RAB3GAP2: variants seen among roughly 807,000 people sequenced by gnomAD.
The protein encoded by RAB3GAP2 is rab3 GTPase-activating protein non-catalytic subunit.
RAB3GAP2 carries 87 observed loss-of-function variants against 185.3 expected under a neutral mutation model. The observed-to-expected ratio is 0.47, with a 90% CI of 0.39 to 0.56. RAB3GAP2 has a LOEUF of 0.56. Among genes scored for constraint, RAB3GAP2 ranks in the 20% least tolerant of loss-of-function variants. The pLI, the probability that RAB3GAP2 is intolerant of heterozygous loss-of-function variation, is 0.00. For synonymous variants in RAB3GAP2, 554 were observed against 576.1 expected, an observed-to-expected ratio of 0.96 and a Z score of 0.55; for missense variants, 1,492 against 1,638.2, an observed-to-expected ratio of 0.91 and a Z score of 1.54.
chr1:220,244,939 G>C (rs900491705), intron 1 of RAB3GAP2, among the ~76,000 whole-genome samples: 1 of 152,036 alleles, frequency 6.6e-6, no homozygotes, highest in Non-Finnish European at 1.5e-5. Flanking sequence ...GACCCCAAAA[G>C]CAAGTGCAGC....
At position 220,167,368 on chromosome 1, in the gene RAB3GAP2, A is replaced by G. The variant is rs1162199490; in HGVS notation, c.3012T>C (p.Pro1004=). The change falls in exon 26 of 35, where the codon CCT becomes CCC. Residue 1004 remains proline, a synonymous_variant. Coordinates refer to ENST00000358951, the MANE Select transcript of RAB3GAP2 (RefSeq NM_012414.4). ...GCAAGACATCGAGCTCAAGGCTACA[A>G]GGAAACTGCTCATAGGCTAAATGCA... The part of the protein sequence containing the change: ...DLLHLAYEQF[P]CSLELDVLHA... 2 of 1,614,062 alleles carry G rather than the reference A, an allele frequency of 1.2e-6. No individual in the cohort carries two copies. The highest frequency in any genetic ancestry group is 1.7e-5 in the Admixed American group (1 of 60,002).
At position 220,150,364 on chromosome 1, in the gene RAB3GAP2, G is replaced by T. The variant is rs747924978; in HGVS notation, c.*887C>A. On this transcript the variant is annotated 3_prime_UTR_variant, in exon 35 of 35. Coordinates refer to ENST00000358951, the MANE Select transcript of RAB3GAP2 (RefSeq NM_012414.4). Reference sequence around the variant, plus strand: ...GCAGTTTTTTCAATACTGTTCCCAAGGACAGATAATATTAGCAAATCCCAG... The same window carrying T: ...GCAGTTTTTTCAATACTGTTCCCAATGACAGATAATATTAGCAAATCCCAG... The T allele has an allele frequency of 1.3e-5, 2 of 151,050 alleles. No individual in the cohort carries two copies. Among genetic ancestry groups the T allele is most frequent in the Non-Finnish European group, 2.9e-5 (2 of 67,836 alleles). 9.4% of individuals were successfully genotyped at this position (151,050 alleles called of 1,614,324 possible).
chr1:220,185,579 A>G (rs1186521778), intron 18 of RAB3GAP2, 72 bp downstream of exon 18: 5 of 1,118,974 alleles, frequency 4.5e-6, no homozygotes, highest in South Asian at 1.3e-5. Context: ...CACAAAGTCA[A>G]TAGCTTTCTA....
At chr1:220,254,469 G>C in intron 1 of RAB3GAP2, 1 of 1,613,588 alleles carries the variant, frequency 6.2e-7, no homozygotes. Flanking sequence ...ACCTGGCAAA[G>C]AATTCTGCAA....
intron 34 of RAB3GAP2, 34 bp downstream of exon 34, chr1:220,151,572 G>A (rs561621765): frequency 6.0e-5 from 95 of 1,595,104 alleles, no homozygotes; most frequent in Non-Finnish European, 8.2e-5. Flanking sequence ...AACATCCAAT[G>A]ACCTTTTGCC....
At position 220,202,905 on chromosome 1, in the gene RAB3GAP2, T is replaced by C. The variant is rs143481991; in HGVS notation, c.713-531A>G. Reference sequence around the variant, plus strand: ...TTGCAGTAAGCTGAGATCACGCCACTGCACTCCAGCCCGGGTAAGAGAGGG... The same window carrying C: ...TTGCAGTAAGCTGAGATCACGCCACCGCACTCCAGCCCGGGTAAGAGAGGG... On this transcript the variant is annotated intron_variant, in intron 8 of 34. Coordinates refer to ENST00000358951, the MANE Select transcript of RAB3GAP2 (RefSeq NM_012414.4). Among the ~76,000 whole-genome samples, 174 of 152,262 alleles carry C rather than the reference T, an allele frequency of 1.1e-3. 1 individual carries two copies. The highest frequency in any genetic ancestry group is 2.5e-4 in the Non-Finnish European group (17 of 68,028).
At chr1:220,202,450 A>T in intron 8 of RAB3GAP2, 76 bp from the exon 9 acceptor site, 1 of 1,443,910 alleles carries the variant, frequency 6.9e-7, no homozygotes, top group Non-Finnish European at 9.7e-7. Context: ...TTAAAACCAT[A>T]CTAATTTGTT....
chr1:220,150,768 C>G lies in RAB3GAP2; in HGVS notation c.*483G>C, dbSNP rs2102848225. 1 of 156,798 alleles carries G rather than the reference C, an allele frequency of 6.4e-6. No individual in the cohort carries two copies. Among genetic ancestry groups the G allele is most frequent in the Admixed American group, 6.4e-5 (1 of 15,696 alleles). 9.7% of individuals were successfully genotyped at this position (156,798 alleles called of 1,614,324 possible). ...GGTATCCAGAACTCCCAGGTGGCAG[C>G]CCAGTGTGGGATTTGGAGCATGACA... On this transcript the variant is annotated 3_prime_UTR_variant, in exon 35 of 35. Coordinates refer to ENST00000358951, the MANE Select transcript of RAB3GAP2 (RefSeq NM_012414.4).
intron 1 of RAB3GAP2, chr1:220,267,100 G>A (rs1660241249): frequency 6.7e-7 from 1 of 1,502,074 alleles, no homozygotes; most frequent in South Asian, 1.1e-5. Flanking sequence ...CCCAAAATTT[G>A]CAATTTCAAG....
chr1:220,163,744 C>CATATATATATAT (rs373160821), intron 27 of RAB3GAP2, among the ~76,000 whole-genome samples: 118 of 122,972 alleles, frequency 9.6e-4, no homozygotes, highest in African/African-American at 1.7e-3. Context: ...TAAATACATA[C>CATATATATATAT]ATATATATAT....
intron 24 of RAB3GAP2, 96 bp from the exon 25 acceptor site, chr1:220,167,771 C>G: frequency 1.6e-6 from 2 of 1,275,354 alleles, no homozygotes; most frequent in Non-Finnish European, 2.3e-6. Flanking sequence ...GATCTAAGTG[C>G]CACATTCATT....
At chr1:220,172,601 G>T in intron 22 of RAB3GAP2, 36 bp downstream of exon 22, 1 of 1,423,670 alleles carries the variant, frequency 7.0e-7, no homozygotes, top group Non-Finnish European at 9.9e-7. Context: ...TTTCAAACAC[G>T]AAACTTTGTT....
chr1:220,252,699 C>G (rs1659959656), intron 1 of RAB3GAP2, among the ~76,000 whole-genome samples: 1 of 141,834 alleles, frequency 7.1e-6, no homozygotes. Flanking sequence ...ATAGATCTTT[C>G]CATGGATCAG....
chr1:220,223,239 A>C (rs1222621566), intron 2 of RAB3GAP2, among the ~76,000 whole-genome samples: 2 of 152,118 alleles, frequency 1.3e-5, no homozygotes, highest in Non-Finnish European at 2.9e-5. Context: ...ACTACATACT[A>C]AATCTAGGTG....
intron 1 of RAB3GAP2, among the ~76,000 whole-genome samples, chr1:220,269,565 T>C (rs1350793478): frequency 1.3e-5 from 2 of 152,062 alleles, no homozygotes; most frequent in African/African-American, 4.8e-5. Context: ...CTACTAAAAA[T>C]ACAAACATTA....
chr1:220,183,369 C>A lies in RAB3GAP2; in HGVS notation c.1999-438G>T, dbSNP rs189101676. On this transcript the variant is annotated intron_variant, in intron 19 of 34. Transcript: ENST00000358951. ...GCTCAAGCAATCCTCCTGCCTCAGC[C>A]ACCTGAGTAGCCGGGACCACAAGTG... 3.4e-4 allele frequency among the ~76,000 whole-genome samples: 52 copies of A among 152,026 alleles called. No individual in the cohort carries two copies. In the East Asian group the frequency reaches 0.01, roughly 30 times the overall value.
At position 220,154,682 on chromosome 1, in the gene RAB3GAP2, G is replaced by A. The variant is rs372748989; in HGVS notation, c.3556-625C>T. On this transcript the variant is annotated intron_variant, in intron 31 of 34. Transcript: ENST00000358951. ...GCCAAGTTTTGGGATGATTTACTCC[G>A]CAGTAATAGCTAAGTAATACATATA... 1.5e-4 allele frequency among the ~76,000 whole-genome samples: 23 copies of A among 150,534 alleles called. No homozygotes were observed. The South Asian group carries it at 1.7e-3, about 11-fold the overall frequency.
chr1:220,227,359 AG>A (rs1167681600), intron 2 of RAB3GAP2, among the ~76,000 whole-genome samples: 1 of 152,230 alleles, frequency 6.6e-6, no homozygotes, highest in Non-Finnish European at 1.5e-5. Context: ...AGAAAAAAAG[AG>A]GCTTTCTCCT....
chr1:220,231,957 A>G (rs1292554896), intron 2 of RAB3GAP2, among the ~76,000 whole-genome samples: 1 of 152,222 alleles, frequency 6.6e-6, no homozygotes, highest in East Asian at 1.9e-4. Flanking sequence ...CTATCTTTGG[A>G]CTTCCTTCTA....
Sources: gnomAD v4.1 joint callset for allele counts (sites outside exome capture counted in the v4.1 genomes callset) on GRCh38, gnomAD v4.1.1 for gene constraint, MANE v1.5 for transcripts, NCBI Gene and HGNC (gene_info 2026-07-23, HGNC 2026-07-21) for gene names.